LSM14B: variants seen among roughly 807,000 people sequenced by gnomAD.
The protein encoded by LSM14B is protein LSM14 homolog B.
A neutral mutation model predicts 42.1 loss-of-function variants in LSM14B; 8 were observed. That is an observed-to-expected ratio of 0.19 (90% CI 0.11 to 0.34). The LOEUF is 0.34. Ranked by LOEUF, LSM14B falls within the 10% of genes least tolerant of loss-of-function variation. The pLI, the probability that LSM14B is intolerant of heterozygous loss-of-function variation, is 1.00. For synonymous variants in LSM14B, 219 were observed against 209.7 expected (o/e 1.04, Z -0.38); for missense variants, 396 against 513.1 (o/e 0.77, Z 2.21).
rs376052813 is a variant in LSM14B at position 62,126,455 on chromosome 20, C to T, written c.427+16C>T. On this transcript the variant is annotated intron_variant, in intron 3 of 8. Coordinates refer to ENST00000279068, the MANE Select transcript of LSM14B (RefSeq NM_144703.3). ...CTGGGTCTAGGTGAGTGACCTGTTT[C>T]TGTCTGGTAAACTACCCTTGCGTGT... is the stretch of plus-strand genomic sequence containing the variant. The T allele has an allele frequency of 5.6e-6, 9 of 1,603,742 alleles. No individual in the cohort carries two copies. The African/African-American group carries it at 6.8e-5, about 12-fold the overall frequency.
intron 2 of LSM14B, among the ~76,000 whole-genome samples, chr20:62,125,126 G>A (rs568574724): frequency 2.1e-4 from 32 of 152,206 alleles, no homozygotes; most frequent in African/African-American, 6.5e-4. Flanking sequence ...TGATGCACCC[G>A]CCTTGGCCTC....
At chr20:62,125,522 T>C (rs1335668853) in intron 2 of LSM14B, among the ~76,000 whole-genome samples, 1 of 152,256 alleles carries the variant, frequency 6.6e-6, no homozygotes, top group Non-Finnish European at 1.5e-5. Context: ...ATGCTGCTGT[T>C]ATACAACACC....
rs902245737 is a variant in LSM14B at position 62,130,966 on chromosome 20, C to T, written c.835+275C>T. 1.3e-5 allele frequency among the ~76,000 whole-genome samples: 2 copies of T among 152,170 alleles called. No homozygotes were observed. Among genetic ancestry groups the T allele is most frequent in the African/African-American group, 4.8e-5 (2 of 41,432 alleles). ...GACTGAGACAGGAGAATCGTTTGAACCCAGGAGGTGGAGGTTGCAGTGGGA... is the reference window on the plus strand; with the variant it reads ...GACTGAGACAGGAGAATCGTTTGAATCCAGGAGGTGGAGGTTGCAGTGGGA... On this transcript the variant is annotated intron_variant, in intron 6 of 8. Transcript: ENST00000279068. This position sits in a 1 kb window ranked among gnomAD's most constrained non-coding sequence, Gnocchi z 4.1.
Position 62,124,879 on chromosome 20 carries a change from A to C in LSM14B, c.291+99A>C. ...GGTCAGAACGCTCAATGTGAGGAAT[A>C]ACCTTTTTTTTTTTTTCTTTGAGGC... On this transcript the variant is annotated intron_variant, in intron 2 of 8. Coordinates refer to ENST00000279068, the MANE Select transcript of LSM14B (RefSeq NM_144703.3). 2.5e-6 allele frequency: 3 copies of C among 1,205,660 alleles called. 1 individual carries two copies. 74.7% of individuals were successfully genotyped at this position (1,205,660 alleles called of 1,614,324 possible). A position where few individuals can be genotyped will look rare whatever the true frequency, so the allele number is the denominator to read the frequency against.
At chr20:62,133,524 G>T in intron 8 of LSM14B, 49 bp downstream of exon 8, 1 of 1,574,480 alleles carries the variant, frequency 6.4e-7, no homozygotes. Context: ...TGTAGGGTCA[G>T]GCACACCTGG....
chr20:62,129,087 T>TG, intron 3 of LSM14B: 1 of 1,086,820 alleles, frequency 9.2e-7, no homozygotes, highest in Non-Finnish European at 1.3e-6. Flanking sequence ...TTCTGAGGGT[T>TG]CATCCCCTGT....
chr20:62,122,675 C>A lies in LSM14B; in HGVS notation c.9C>A (p.Gly3=). 1 of 1,467,422 alleles carries A rather than the reference C, an allele frequency of 6.8e-7. No homozygotes were observed. The highest frequency in any genetic ancestry group is 9.1e-7 in the Non-Finnish European group (1 of 1,096,642). The allele number at this position is 1,467,422 out of a possible 1,614,324, so 90.9% of individuals were successfully genotyped here. MS[G]SSGTPYLGSK... is the part of the protein sequence containing the mutation. ...GCACCCCGGCCGCCGCCATGAGCGG[C>A]TCCTCAGGCACCCCGTATCTGGGCA... Residue 3 remains glycine (G), a synonymous_variant, in exon 1 of 9, where the codon GGC becomes GGA. Transcript: ENST00000279068. This position sits in a 1 kb window ranked among gnomAD's most constrained non-coding sequence, Gnocchi z 4.6.
Position 62,129,910 on chromosome 20 carries a change from C to T in LSM14B, c.553C>T (p.Leu185Phe). 1 of 1,613,524 alleles carries T rather than the reference C, an allele frequency of 6.2e-7. No individual in the cohort carries two copies. Among genetic ancestry groups the T allele is most frequent in the Non-Finnish European group, 8.5e-7 (1 of 1,179,814 alleles). Residue 185 changes from leucine (L) to phenylalanine (F), a missense_variant, in exon 4 of 9, where the codon CTC becomes TTC. Physicochemically the swap from Leu to Phe is conservative, Grantham distance 22. This residue lies in a region of LSM14B where 274 missense variants were observed against 335.8 expected (regional missense o/e 0.82). Coordinates refer to ENST00000279068, the MANE Select transcript of LSM14B (RefSeq NM_144703.3). ...TGGCAAGGGCACCACAGGGACGCAG[C>T]TCAACGGTCGTCAGGCCCAGCCGAG... is the stretch of plus-strand genomic sequence containing the variant. ...LPGKGTTGTQ[L>F]NGRQAQPSSK...
Position 62,129,918 on chromosome 20 carries a change from T to TC in LSM14B, c.562dup (p.Arg188ProfsTer27). 1 of 1,613,148 alleles carries TC rather than the reference T, an allele frequency of 6.2e-7. No individual in the cohort carries two copies. Among genetic ancestry groups the TC allele is most frequent in the Non-Finnish European group, 8.5e-7 (1 of 1,179,742 alleles). On this transcript the variant is annotated frameshift_variant, in exon 4 of 9. Coordinates refer to ENST00000279068, the MANE Select transcript of LSM14B (RefSeq NM_144703.3). LOFTEE classifies it high-confidence loss of function. ...GCACCACAGGGACGCAGCTCAACGG[T>TC]CGTCAGGCCCAGCCGAGCAGCAAGA...
chr20:62,123,234 G>C (rs1439935175), intron 1 of LSM14B: 1 of 152,554 alleles, frequency 6.6e-6, no homozygotes, highest in African/African-American at 2.4e-5. Context: ...GTCGGGTGGC[G>C]GGGCCAGTGT....
intron 3 of LSM14B, chr20:62,127,471 C>A: frequency 1.4e-6 from 1 of 729,002 alleles, no homozygotes; most frequent in Non-Finnish European, 2.3e-6. Context: ...GTTTGTATGA[C>A]AGAATCCTAC....
chr20:62,123,014 C>T (rs1305055195), intron 1 of LSM14B: 2 of 267,770 alleles, frequency 7.5e-6, no homozygotes, highest in African/African-American at 2.3e-5. Context: ...CGTAGCCGGC[C>T]GCACAATGGT....
chr20:62,129,466 G>T (rs1386085061), intron 3 of LSM14B, among the ~76,000 whole-genome samples: 1 of 152,152 alleles, frequency 6.6e-6, no homozygotes, highest in Non-Finnish European at 1.5e-5. Flanking sequence ...CACACTTCTG[G>T]GGAGGTGCCT....
intron 3 of LSM14B, 41 bp downstream of exon 3, chr20:62,126,480 T>G: frequency 6.3e-7 from 1 of 1,596,048 alleles, no homozygotes; most frequent in Non-Finnish European, 8.5e-7. Context: ...CCCTTGCGTG[T>G]AACTGTCACT....
At chr20:62,127,782 G>A in intron 3 of LSM14B, 1 of 1,011,044 alleles carries the variant, frequency 9.9e-7, no homozygotes, top group Non-Finnish European at 1.5e-6. Context: ...CAGAATGACA[G>A]TAGCTGTAGC....
chr20:62,131,271 CG>C, intron 6 of LSM14B, 84 bp from the exon 7 acceptor site: 1 of 1,460,984 alleles, frequency 6.8e-7, no homozygotes, highest in Non-Finnish European at 9.1e-7. Context: ...GGGTGGCTTC[CG>C]AGTGAGCCCG....
chr20:62,124,593 C>A, intron 1 of LSM14B, 24 bp from the exon 2 acceptor site: 1 of 1,609,168 alleles, frequency 6.2e-7, no homozygotes, highest in Non-Finnish European at 8.5e-7. Context: ...ACAACAATAA[C>A]GCTTCTCTTT....
chr20:62,124,966 G>A (rs1256069745), intron 2 of LSM14B, among the ~76,000 whole-genome samples, 186 bp downstream of exon 2: 1 of 151,500 alleles, frequency 6.6e-6, no homozygotes, highest in Non-Finnish European at 1.5e-5. Context: ...TTGCAACTTT[G>A]GCTTCCCAGG....
chr20:62,124,535 TGGAA>T, intron 1 of LSM14B, 78 bp from the exon 2 acceptor site: 1 of 1,483,764 alleles, frequency 6.7e-7, no homozygotes, highest in Non-Finnish European at 9.1e-7. Flanking sequence ...CGCCGTCTTT[TGGAA>T]GGCTTGGGAG....
Sources: gnomAD v4.1 joint callset for allele counts (sites outside exome capture counted in the v4.1 genomes callset) on GRCh38, gnomAD v4.1.1 for gene constraint, gnomAD v4.1.1 regional missense constraint, Gnocchi (gnomAD v3.1) non-coding constraint, MANE v1.5 for transcripts, NCBI Gene and HGNC (gene_info 2026-07-23, HGNC 2026-07-21) for gene names.